The following TBC1D19 variants were observed in gnomAD, a reference collection of about 807,000 sequenced individuals.
TBC1D19 encodes TBC1 domain family, member 19.
A neutral mutation model predicts 89.0 loss-of-function variants in TBC1D19; 60 were observed. The observed-to-expected ratio is 0.67, with a 90% CI of 0.55 to 0.84. TBC1D19 has a LOEUF of 0.84. Among genes scored for constraint, TBC1D19 ranks in the 40% least tolerant of loss-of-function variants. The pLI is 0.00. For synonymous variants in TBC1D19, 189 were observed against 199.7 expected (o/e 0.95, Z 0.45); for missense variants, 500 against 610.8 (o/e 0.82, Z 1.91).
chr4:26,833,681 T>G, the TBC1D19 span, among the ~76,000 whole-genome samples: 2 of 152,240 alleles, frequency 1.3e-5, no homozygotes, highest in African/African-American at 2.4e-5. Flanking sequence ...ATAATGGAAC[T>G]TGTGCAGGTT....
chr4:26,799,769 T>C, the TBC1D19 span, among the ~76,000 whole-genome samples: 2 of 152,122 alleles, frequency 1.3e-5, no homozygotes, highest in Non-Finnish European at 2.9e-5. Context: ...GCCTCCAGAA[T>C]TGTGAGCAAT....
chr4:26,594,381 C>T (rs1351814040), intron 1 of TBC1D19, among the ~76,000 whole-genome samples: 1 of 151,882 alleles, frequency 6.6e-6, no homozygotes, highest in Non-Finnish European at 1.5e-5. Context: ...AGGAGATATA[C>T]CTAATGTTAA....
At chr4:26,783,616 T>C in the TBC1D19 span, among the ~76,000 whole-genome samples, 3 of 152,238 alleles carry the variant, frequency 2.0e-5, no homozygotes, top group African/African-American at 4.8e-5. Flanking sequence ...TTATCCACTT[T>C]TATGCAAAAG....
At chr4:26,716,560 C>A (rs1428010070) in intron 13 of TBC1D19, among the ~76,000 whole-genome samples, 2 of 152,066 alleles carry the variant, frequency 1.3e-5, no homozygotes, top group Admixed American at 6.5e-5. Flanking sequence ...AAATGTTCAA[C>A]AACAGTACAG....
chr4:26,600,755 A>T (rs997597583), intron 1 of TBC1D19, among the ~76,000 whole-genome samples: 1 of 152,180 alleles, frequency 6.6e-6, no homozygotes, highest in Non-Finnish European at 1.5e-5. Context: ...GCAGGGCTGA[A>T]ATTATACAGT....
rs1739268373 is a variant in TBC1D19, at chr4:26,584,247, G to T, written c.54G>T (p.Lys18Asn). 2 of 1,612,878 alleles carry T rather than the reference G, an allele frequency of 1.2e-6. No homozygotes were observed. Among genetic ancestry groups the T allele is most frequent in the African/African-American group, 1.3e-5 (1 of 75,040 alleles). The change falls in exon 1 of 21, where the codon AAG becomes AAT. Residue 18 changes from lysine (K) to asparagine (N), a missense_variant. Lys to Asn is a moderately conservative substitution (Grantham distance 94). Around this residue, in one of 2 missense-constraint regions of TBC1D19, gnomAD observed 280 missense variants for 291.7 expected, o/e 0.96. Coordinates refer to ENST00000264866, the MANE Select transcript of TBC1D19 (RefSeq NM_018317.4). The part of the protein sequence containing the change: ...LSLIIAQIVQ[K>N]LKGSNLYSQL... The stretch of plus-strand genomic sequence containing the variant: ...TCATTATTGCCCAGATAGTCCAAAA[G>T]CTCAAGGGCTCCAATTTGTACTCTC...
chr4:26,705,258 T>A (rs908155110), intron 13 of TBC1D19, among the ~76,000 whole-genome samples: 1 of 152,304 alleles, frequency 6.6e-6, no homozygotes, highest in East Asian at 1.9e-4. Flanking sequence ...TGATAGTGTC[T>A]TTTGATGCAC....
chr4:26,659,036 A>G (rs1321970163), intron 7 of TBC1D19, among the ~76,000 whole-genome samples: 1 of 152,132 alleles, frequency 6.6e-6, no homozygotes, highest in Non-Finnish European at 1.5e-5. Flanking sequence ...GCAAACAGAC[A>G]ATTTGACTTC....
At chr4:26,766,501 T>G in the TBC1D19 span, among the ~76,000 whole-genome samples, 1 of 152,160 alleles carries the variant, frequency 6.6e-6, no homozygotes, top group Non-Finnish European at 1.5e-5. Flanking sequence ...TCTCAGGTCT[T>G]TCTCCACTCC....
chr4:26,753,674 C>G lies in TBC1D19; in HGVS notation c.1436-146C>G. On this transcript the variant is annotated intron_variant, in intron 19 of 20. Coordinates refer to ENST00000264866, the MANE Select transcript of TBC1D19 (RefSeq NM_018317.4). The stretch of plus-strand genomic sequence containing the variant: ...CAGACAATTTCCATTCATCACAAGA[C>G]CTTAATTCAGAATGCGGGGGTGTGG... The G allele has an allele frequency of 4.2e-6, 3 of 714,060 alleles. No homozygotes were observed. The South Asian group carries it at 5.8e-5, about 14-fold the overall frequency. The allele number at this position is 714,060 out of a possible 1,614,324, so 44.2% of individuals were successfully genotyped here.
intron 17 of TBC1D19, among the ~76,000 whole-genome samples, chr4:26,741,659 A>T (rs1718384831): frequency 6.6e-6 from 1 of 151,174 alleles, no homozygotes; most frequent in Non-Finnish European, 1.5e-5. Context: ...AGGAGTAAAA[A>T]CTTACGGGCA....
the TBC1D19 span, among the ~76,000 whole-genome samples, chr4:26,839,888 T>G: frequency 6.6e-6 from 1 of 152,098 alleles, no homozygotes; most frequent in East Asian, 1.9e-4. Context: ...TTGCGTAGGG[T>G]GAGTCACAGG....
chr4:26,596,361 T>C lies in TBC1D19; in HGVS notation c.99+12069T>C, dbSNP rs187275558. 4.7e-3 allele frequency among the ~76,000 whole-genome samples: 708 copies of C among 152,254 alleles called. 3 individuals are homozygous for C. The highest frequency in any genetic ancestry group is 6.1e-3 in the Non-Finnish European group (416 of 68,022). ...TTCAAGGAATTTGTTTTTATTTAAA[T>C]TGTATAAATTATTGGCCTAAAGTTG... On this transcript the variant is annotated intron_variant, in intron 1 of 20. Coordinates refer to ENST00000264866, the MANE Select transcript of TBC1D19 (RefSeq NM_018317.4).
chr4:26,745,287 C>T (rs1030749472), intron 18 of TBC1D19, among the ~76,000 whole-genome samples: 9 of 151,566 alleles, frequency 5.9e-5, no homozygotes, highest in Non-Finnish European at 1.0e-4. Context: ...GTGTTTATAC[C>T]ATTTATAGTT....
At chr4:26,615,374 A>G (rs991146765) in intron 3 of TBC1D19, among the ~76,000 whole-genome samples, 3 of 152,106 alleles carry the variant, frequency 2.0e-5, no homozygotes, top group African/African-American at 7.2e-5. Flanking sequence ...AGCACTGAGC[A>G]TATAGTATAG....
intron 7 of TBC1D19, among the ~76,000 whole-genome samples, chr4:26,644,417 G>A (rs1174555603): frequency 3.9e-5 from 6 of 152,068 alleles, no homozygotes; most frequent in African/African-American, 9.7e-5. Context: ...TTGATGGAAC[G>A]TATCTCAAAA....
rs1164836782 is a variant in TBC1D19 at position 26,591,631 on chromosome 4, C to T, written c.99+7339C>T. 2.0e-5 allele frequency among the ~76,000 whole-genome samples: 3 copies of T among 152,046 alleles called. No homozygotes were observed. The South Asian group carries it at 6.2e-4, about 32-fold the overall frequency. ...AGAAAAGAGAGAAGAATCAAATAGA[C>T]ACAATAAAAAATGATAAAGGGGATA... On this transcript the variant is annotated intron_variant, in intron 1 of 20. Transcript: ENST00000264866.
the TBC1D19 span, among the ~76,000 whole-genome samples, chr4:26,781,287 T>C: frequency 6.6e-6 from 1 of 152,166 alleles, no homozygotes; most frequent in South Asian, 2.1e-4. Flanking sequence ...TGAATTGGGG[T>C]TCTCTAGAGG....
intron 1 of TBC1D19, among the ~76,000 whole-genome samples, chr4:26,578,494 G>A (rs1428069923): frequency 6.6e-6 from 1 of 152,136 alleles, no homozygotes. Flanking sequence ...TGAAAGGCAT[G>A]TAAGTTTCCC....
Sources: allele counts gnomAD v4.1 joint callset (sites outside exome capture counted in the v4.1 genomes callset), GRCh38; gene constraint gnomAD v4.1.1; regional missense constraint gnomAD v4.1.1; transcripts MANE v1.5; gene names NCBI Gene and HGNC (gene_info 2026-07-23, HGNC 2026-07-21).